The following PRKCE variants were observed in gnomAD, a reference collection of about 807,000 sequenced individuals.
PRKCE encodes protein kinase C epsilon type.
PRKCE carries 16 observed loss-of-function variants against 85.4 expected under a neutral mutation model. The observed-to-expected ratio is 0.19, with a 90% confidence interval of 0.13 to 0.28. The LOEUF (loss-of-function observed/expected upper bound fraction) is 0.28. PRKCE is among the 10% of genes least tolerant of loss of function. PRKCE has a pLI of 1.00. For missense variants in PRKCE, 573 were observed against 975.2 expected, an observed-to-expected ratio of 0.59 and a Z score of 5.49; for synonymous variants, 388 against 371.5, an observed-to-expected ratio of 1.04 and a Z score of -0.51.
At chr2:45,712,327 G>C (rs1176887944) in intron 1 of PRKCE, among the ~76,000 whole-genome samples, 1 of 151,630 alleles carries the variant, frequency 6.6e-6, no homozygotes, top group Non-Finnish European at 1.5e-5. Context: ...CTAATTTTTT[G>C]TAGTTTTAGT....
rs569692055 is a variant in PRKCE at position 46,011,660 on chromosome 2, C to A, written c.1437+1143C>A. ...AACGTAACCTCTCTTAGTCTCAACA[C>A]ACGTATGTTTATTAGCATCCTTGAG... On this transcript the variant is annotated intron_variant, in intron 10 of 14. Coordinates refer to ENST00000306156, the MANE Select transcript of PRKCE (RefSeq NM_005400.3). 2.0e-5 allele frequency among the ~76,000 whole-genome samples: 3 copies of A among 152,314 alleles called. No homozygotes were observed. In the East Asian group the frequency reaches 5.8e-4, roughly 29 times the overall value.
chr2:46,175,442 A>T (rs1181559399), intron 14 of PRKCE, among the ~76,000 whole-genome samples: 1 of 152,206 alleles, frequency 6.6e-6, no homozygotes, highest in Non-Finnish European at 1.5e-5. Context: ...AATGCCAATA[A>T]TTTACTCGAT....
intron 11 of PRKCE, among the ~76,000 whole-genome samples, chr2:46,107,053 A>G (rs1465073160): frequency 1.3e-5 from 2 of 152,234 alleles, no homozygotes; most frequent in Non-Finnish European, 1.5e-5. Flanking sequence ...ATAAAGTTTT[A>G]TGGGTTTTAA....
Position 46,187,911 on chromosome 2 carries a change from T to A in PRKCE, c.*3030T>A, listed in dbSNP as rs958049352. The A allele has an allele frequency of 1.3e-5, 2 of 152,610 alleles. No individual in the cohort carries two copies. The highest frequency in any genetic ancestry group is 4.8e-5 in the African/African-American group (2 of 41,446). The allele number at this position is 152,610 out of a possible 1,614,324, so 9.5% of individuals were successfully genotyped here. On this transcript the variant is annotated 3_prime_UTR_variant, in exon 15 of 15. Transcript: ENST00000306156. ...AGTGTTATTTCATTGTAAACGTTAT[T>A]GTGCCAAATGTACTGTATTCAAAAG...
At chr2:45,849,954 G>A (rs1408673695) in intron 2 of PRKCE, among the ~76,000 whole-genome samples, 2 of 152,190 alleles carry the variant, frequency 1.3e-5, no homozygotes, top group African/African-American at 4.8e-5. Context: ...AAAACAGTGA[G>A]CACCAAGCCC....
intron 10 of PRKCE, among the ~76,000 whole-genome samples, chr2:46,027,096 G>A (rs907051283): frequency 2.0e-5 from 3 of 152,162 alleles, no homozygotes; most frequent in Non-Finnish European, 4.4e-5. Context: ...TTGAGCCTAG[G>A]AAGTCAAGGC....
Position 46,004,620 on chromosome 2 carries a change from A to G in PRKCE, c.1045A>G (p.Thr349Ala). The G allele has an allele frequency of 6.3e-7, 1 of 1,586,394 alleles. No individual in the cohort carries two copies. The change falls in exon 8 of 15, where the codon ACC becomes GCC. Residue 349 changes from threonine (T) to alanine (A), a missense_variant. Transcript: ENST00000306156. The surrounding 1 kb of genome is among the most constrained non-coding windows in gnomAD (Gnocchi z 4.1). ...SEEDRSKSAP[T>A]SPCDQEIKEL... ...GGAAGATCGATCCAAGTCAGCACCC[A>G]CCTCCCCTTGTGACCAGGGTGAGAC...
At chr2:45,952,645 C>T (rs1457151285) in intron 2 of PRKCE, among the ~76,000 whole-genome samples, 2 of 152,296 alleles carry the variant, frequency 1.3e-5, no homozygotes, top group African/African-American at 4.8e-5. Flanking sequence ...AAAATGTAGT[C>T]GCTCTTCAAA....
At chr2:46,003,718 A>T (rs976968199) in intron 7 of PRKCE, among the ~76,000 whole-genome samples, 1 of 152,152 alleles carries the variant, frequency 6.6e-6, no homozygotes, top group East Asian at 1.9e-4. Context: ...GTGGAGGGGG[A>T]CGTTATGGAA....
intron 5 of PRKCE, among the ~76,000 whole-genome samples, chr2:45,984,263 C>T (rs1703136461): frequency 6.6e-6 from 1 of 152,120 alleles, no homozygotes; most frequent in South Asian, 2.1e-4. Context: ...GGACACTGTA[C>T]TATGATTGCT....
At chr2:46,023,247 G>T (rs1164537591) in intron 10 of PRKCE, among the ~76,000 whole-genome samples, 1 of 152,154 alleles carries the variant, frequency 6.6e-6, no homozygotes, top group African/African-American at 2.4e-5. Context: ...ACCATTGTTG[G>T]TAGGTTTGAC....
At chr2:46,144,229 G>C (rs1252959228) in intron 11 of PRKCE, among the ~76,000 whole-genome samples, 4 of 152,140 alleles carry the variant, frequency 2.6e-5, no homozygotes, top group African/African-American at 9.7e-5. Context: ...TGTGGGTCCA[G>C]GTGATTATAA....
intron 11 of PRKCE, among the ~76,000 whole-genome samples, chr2:46,097,067 T>G (rs753484184): frequency 2.0e-5 from 3 of 152,184 alleles, no homozygotes. Context: ...TGTGAGTCTG[T>G]GTCTCTTTTA....
At chr2:45,869,892 G>A (rs1243536089) in intron 2 of PRKCE, among the ~76,000 whole-genome samples, 1 of 151,904 alleles carries the variant, frequency 6.6e-6, no homozygotes, top group Non-Finnish European at 1.5e-5. Flanking sequence ...ATTTTTAGTA[G>A]AGACGGGGTT....
chr2:45,661,508 TTTG>T (rs1675642083), intron 1 of PRKCE, among the ~76,000 whole-genome samples: 1 of 142,730 alleles, frequency 7.0e-6, no homozygotes, highest in African/African-American at 2.7e-5. Context: ...TTTTTTTTGT[TTTG>T]TTTTGTTTTT....
chr2:46,151,926 C>G (rs1272565222), intron 13 of PRKCE, among the ~76,000 whole-genome samples: 1 of 152,176 alleles, frequency 6.6e-6, no homozygotes, highest in East Asian at 1.9e-4. Context: ...TCCGTGAAAG[C>G]TGAGGTACAG....
At chr2:45,719,895 G>C (rs1211268772) in intron 1 of PRKCE, among the ~76,000 whole-genome samples, 1 of 152,136 alleles carries the variant, frequency 6.6e-6, no homozygotes, top group Non-Finnish European at 1.5e-5. Flanking sequence ...ACTGCACCTA[G>C]TCTGGGTGAG....
At chr2:46,007,728 A>G in intron 9 of PRKCE, 67 bp downstream of exon 9, 3 of 1,504,844 alleles carry the variant, frequency 2.0e-6, no homozygotes, top group Non-Finnish European at 2.7e-6. Flanking sequence ...CGTCTGTTTG[A>G]TCTAAGATTG....
intron 11 of PRKCE, among the ~76,000 whole-genome samples, chr2:46,132,610 G>T (rs1674572529): frequency 6.6e-6 from 1 of 152,164 alleles, no homozygotes; most frequent in Non-Finnish European, 1.5e-5. Context: ...AGCCTGTGCA[G>T]CCTCGTTGTC....
Sources: allele counts gnomAD v4.1 joint callset (sites outside exome capture counted in the v4.1 genomes callset), GRCh38; gene constraint gnomAD v4.1.1; non-coding constraint Gnocchi (gnomAD v3.1); transcripts MANE v1.5; gene names NCBI Gene and HGNC (gene_info 2026-07-23, HGNC 2026-07-21).